HEPH: variants seen among roughly 807,000 people sequenced by gnomAD.
HEPH encodes the protein hephaestin.
Under a neutral mutation model 80.8 loss-of-function variants are expected in HEPH, and 69 were observed. That is an observed-to-expected ratio of 0.85 (90% CI 0.70 to 1.04). The LOEUF (loss-of-function observed/expected upper bound fraction) is 1.04. Ranked by LOEUF, HEPH falls within the 50% of genes least tolerant of loss-of-function variation. HEPH has a pLI of 0.00. For missense variants in HEPH, 1,115 were observed against 891.3 expected (o/e 1.25, Z -3.20); for synonymous variants, 431 against 322.8 (o/e 1.34, Z -3.60).
chrX:66,182,359 G>GTA (rs2087213995), intron 4 of HEPH, among the ~76,000 whole-genome samples: 9 of 3,755 alleles, frequency 2.4e-3, no homozygotes, highest in Admixed American at 5.1e-3. Flanking sequence ...ATTTGTTTGT[G>GTA]TCCTCTTTTA....
chrX:66,197,981 T>C (rs1461297425), intron 10 of HEPH, 87 bp downstream of exon 10: 1 of 813,612 alleles, frequency 1.2e-6, no homozygotes, highest in Admixed American at 2.8e-5. Flanking sequence ...GGAACTGGGT[T>C]CTAAAGTTTA....
intron 20 of HEPH, among the ~76,000 whole-genome samples, chrX:66,264,421 C>T (rs2091468191): frequency 9.1e-6 from 1 of 109,318 alleles, no homozygotes; most frequent in Admixed American, 9.9e-5. Context: ...TTATTCTTGC[C>T]TCTTTCCCTT....
chrX:66,266,324 G>T (rs2091534454), intron 20 of HEPH, 116 bp from the exon 21 acceptor site: 2 of 505,835 alleles, frequency 4.0e-6, no homozygotes, highest in Non-Finnish European at 6.7e-6. Flanking sequence ...GAAGGATAAG[G>T]ACAGGCCTCC....
At chrX:66,242,741 G>A (rs898871561) in intron 15 of HEPH, among the ~76,000 whole-genome samples, 1 of 111,829 alleles carries the variant, frequency 8.9e-6, no homozygotes, top group Non-Finnish European at 1.9e-5. Context: ...ATATTCTGTG[G>A]CCAACAAGCA....
chrX:66,235,095 T>C (rs2090306413), intron 15 of HEPH, among the ~76,000 whole-genome samples: 1 of 111,807 alleles, frequency 8.9e-6, no homozygotes, highest in Non-Finnish European at 1.9e-5. Flanking sequence ...TATTGAATAT[T>C]AGACCCTTCT....
At chrX:66,202,780 A>G (rs961286832) in intron 12 of HEPH, among the ~76,000 whole-genome samples, 1 of 109,618 alleles carries the variant, frequency 9.1e-6, no homozygotes, top group African/African-American at 3.3e-5. Context: ...AATATGTTCT[A>G]TACTAAGCAC....
intron 20 of HEPH, among the ~76,000 whole-genome samples, chrX:66,265,410 T>C (rs186919721): frequency 1.8e-5 from 2 of 110,734 alleles, no homozygotes; most frequent in East Asian, 5.7e-4. Flanking sequence ...GGTGCTATAC[T>C]AGATATTTTA....
chrX:66,207,043 T>TA lies in HEPH; in HGVS notation c.2292-144dup, dbSNP rs369723664. On this transcript the variant is annotated intron_variant, in intron 13 of 20. Transcript: ENST00000343002. ...AAATAATAATAATAATAAATAAATT[T>TA]AAAAAAAAGAAAAAAAAAGAAATAG... 9.9e-4 allele frequency: 293 copies of TA among 295,303 alleles called. 3 individuals are homozygous for TA. Among genetic ancestry groups the TA allele is most frequent in the African/African-American group, 7.8e-3 (253 of 32,291 alleles). 24.3% of individuals were successfully genotyped at this position (295,303 alleles called of 1,213,427 possible). A position where few individuals can be genotyped will look rare whatever the true frequency, so the allele number is the denominator to read the frequency against.
intron 4 of HEPH, among the ~76,000 whole-genome samples, chrX:66,179,088 T>A (rs2086964844): frequency 8.9e-6 from 1 of 112,153 alleles, no homozygotes; most frequent in Non-Finnish European, 1.9e-5. Flanking sequence ...GATCTAACAT[T>A]TAAGTCTTTA....
intron 15 of HEPH, among the ~76,000 whole-genome samples, chrX:66,214,621 A>T: frequency 9.0e-6 from 1 of 111,490 alleles, no homozygotes; most frequent in African/African-American, 3.3e-5. Context: ...TGTTAACTTT[A>T]TAAGTTTCTT....
In HEPH at chrX:66,259,011, G is replaced by A. The variant is rs1178278755; in HGVS notation, c.3036+32G>A. The A allele has an allele frequency of 1.8e-5, 21 of 1,179,285 alleles. No individual in the cohort carries two copies. The East Asian group carries it at 6.0e-4, about 34-fold the overall frequency. ...TGGAAAATGGGCTGAGTCCCTCAAG[G>A]ATGATTAGAACAGTGGTTTAACAGC... On this transcript the variant is annotated intron_variant, in intron 18 of 20. Transcript: ENST00000343002.
chrX:66,242,604 A>G (rs1569391841), intron 15 of HEPH, among the ~76,000 whole-genome samples: 1 of 112,116 alleles, frequency 8.9e-6, no homozygotes, highest in Non-Finnish European at 1.9e-5. Flanking sequence ...AAATATTTTC[A>G]AACTATGCAT....
chrX:66,226,901 A>C (rs1174784323), intron 15 of HEPH, among the ~76,000 whole-genome samples: 1 of 111,873 alleles, frequency 8.9e-6, no homozygotes, highest in Non-Finnish European at 1.9e-5. Context: ...TCCAAAATAC[A>C]GAGAAAGATG....
At chrX:66,191,995 G>A (rs940995292) in intron 6 of HEPH, 135 bp from the exon 7 acceptor site, 9 of 551,785 alleles carry the variant, frequency 1.6e-5, no homozygotes, top group South Asian at 1.3e-4. Context: ...GAGAGAAAGC[G>A]GCCCATTTTG....
chrX:66,239,845 C>T (rs1026354139), intron 15 of HEPH, among the ~76,000 whole-genome samples: 1 of 111,846 alleles, frequency 8.9e-6, no homozygotes, highest in Non-Finnish European at 1.9e-5. Context: ...ATTAAATCAC[C>T]TCACAATTAT....
At position 66,189,935 on chromosome X, in the gene HEPH, C is replaced by T. The variant is rs1359771593; in HGVS notation, c.1060C>T (p.Arg354Ter). Residue 354 changes from arginine to a stop codon, truncating the protein, a stop_gained, in exon 6 of 21, where the codon CGA becomes TGA. Coordinates refer to ENST00000343002, the MANE Select transcript of HEPH (RefSeq NM_001367233.3). LOFTEE classifies it high-confidence loss of function. ...TAGCTGCCAAGTGAACAGTCACTTT[C>T]GAGGTGAGATCCAACATTTCTGACC... ...LISCQVNSHF[R>*]DGMQALYKVK... The T allele has an allele frequency of 6.8e-6, 8 of 1,169,913 alleles. No individual in the cohort carries two copies. Among genetic ancestry groups the T allele is most frequent in the African/African-American group, 3.6e-5 (2 of 55,218 alleles).
At chrX:66,222,375 G>A (rs776904336) in intron 15 of HEPH, among the ~76,000 whole-genome samples, 1 of 112,570 alleles carries the variant, frequency 8.9e-6, no homozygotes, top group South Asian at 3.7e-4. Flanking sequence ...TTAGTGGAAA[G>A]GGGACAATCT....
chrX:66,205,618 TAG>T (rs1250890828), intron 13 of HEPH, among the ~76,000 whole-genome samples: 1 of 106,723 alleles, frequency 9.4e-6, no homozygotes, highest in African/African-American at 3.5e-5. Context: ...TTTTTTGAGA[TAG>T]AGTCTCAGTC....
chrX:66,175,686 G>A (rs2086771492), intron 4 of HEPH, among the ~76,000 whole-genome samples: 1 of 111,106 alleles, frequency 9.0e-6, no homozygotes, highest in Non-Finnish European at 1.9e-5. Context: ...ATTTTTTTCT[G>A]CAGTGTTTTG....
Sources: allele counts gnomAD v4.1 joint callset (sites outside exome capture counted in the v4.1 genomes callset), GRCh38; gene constraint gnomAD v4.1.1; transcripts MANE v1.5; gene names NCBI Gene and HGNC (gene_info 2026-07-23, HGNC 2026-07-21).